PRKN: variants seen among roughly 807,000 people sequenced by gnomAD.
PRKN encodes the protein E3 ubiquitin-protein ligase parkin.
In PRKN, 56 loss-of-function variants were observed where a neutral mutation model predicts 59.5. The ratio of observed to expected loss-of-function variants is 0.94; its 90% confidence interval spans 0.76 to 1.18. The LOEUF (loss-of-function observed/expected upper bound fraction) is 1.18. Among genes scored for constraint, PRKN ranks in the 50% most tolerant of loss-of-function variants. PRKN has a pLI of 0.00. For missense variants in PRKN, 657 were observed against 596.4 expected (o/e 1.10, Z -1.06); for synonymous variants, 250 against 222.1 (o/e 1.13, Z -1.12).
At chr6:161,644,387 TG>T (rs1459793310) in intron 7 of PRKN, among the ~76,000 whole-genome samples, 1 of 152,212 alleles carries the variant, frequency 6.6e-6, no homozygotes, top group Non-Finnish European at 1.5e-5. Context: ...GTGAGAGAGT[TG>T]CATATTAGTT....
chr6:161,879,329 T>A (rs1397633075), intron 6 of PRKN, among the ~76,000 whole-genome samples: 2 of 149,754 alleles, frequency 1.3e-5, no homozygotes, highest in African/African-American at 4.9e-5. Flanking sequence ...ATGGTCATTA[T>A]GACATTTCTG....
At chr6:162,666,048 T>G (rs555218085) in intron 1 of PRKN, among the ~76,000 whole-genome samples, 1 of 152,160 alleles carries the variant, frequency 6.6e-6, no homozygotes, top group East Asian at 1.9e-4. Context: ...ATTAAAGACT[T>G]ACTTAAATTT....
intron 7 of PRKN, among the ~76,000 whole-genome samples, chr6:161,629,693 C>T (rs559989545): frequency 3.9e-5 from 6 of 152,254 alleles, no homozygotes; most frequent in South Asian, 2.1e-4. Flanking sequence ...TCCGCACTCT[C>T]GCTCTGCCTG....
intron 6 of PRKN, among the ~76,000 whole-genome samples, chr6:161,925,040 T>G (rs965305543): frequency 6.6e-6 from 1 of 152,278 alleles, no homozygotes; most frequent in East Asian, 1.9e-4. Flanking sequence ...TGTTGTTGTT[T>G]TTTGGTGAAT....
At chr6:162,230,430 G>C (rs1166577955) in intron 3 of PRKN, among the ~76,000 whole-genome samples, 1 of 152,220 alleles carries the variant, frequency 6.6e-6, no homozygotes, top group African/African-American at 2.4e-5. Context: ...TGGGCTTGAA[G>C]TCTGGGAGGA....
Position 161,701,294 on chromosome 6 carries a change from G to A in PRKN, c.871+84478C>T, listed in dbSNP as rs528370306. On this transcript the variant is annotated intron_variant, in intron 7 of 11. Transcript: ENST00000366898. ...TTTTGAAACACAGTTTCCATTGTGT[G>A]TGACCCATTATGTGTGACCTCATTT... 7.2e-5 allele frequency among the ~76,000 whole-genome samples: 11 copies of A among 152,316 alleles called. No homozygotes were observed. In the East Asian group the frequency reaches 7.7e-4, roughly 11 times the overall value.
Position 161,552,871 on chromosome 6 carries a change from A to T in PRKN, c.934-3868T>A, listed in dbSNP as rs1780092307. 6.6e-6 allele frequency among the ~76,000 whole-genome samples: 1 copy of T among 150,484 alleles called. No individual in the cohort carries two copies. Among genetic ancestry groups the T allele is most frequent in the Non-Finnish European group, 1.5e-5 (1 of 67,728 alleles). ...AGTGGCGCAATCTCGGCTCACTGCA[A>T]CCTTCATCTCTTGGGTTCAAGCGAT... On this transcript the variant is annotated intron_variant, in intron 8 of 11. Coordinates refer to ENST00000366898, the MANE Select transcript of PRKN (RefSeq NM_004562.3). The surrounding 1 kb of genome is among the most constrained non-coding windows in gnomAD (Gnocchi z 4.9).
At position 161,714,078 on chromosome 6, in the gene PRKN, T is replaced by C. The variant is rs1046544731; in HGVS notation, c.871+71694A>G. Among the ~76,000 whole-genome samples the C allele has an allele frequency of 2.5e-4, 38 of 152,338 alleles. 1 individual carries two copies. The highest frequency in any genetic ancestry group is 6.8e-3 in the Middle Eastern group (2 of 294). On this transcript the variant is annotated intron_variant, in intron 7 of 11. Transcript: ENST00000366898. ...TTATCCAGCCTCAGGTATGTCTTTA[T>C]TGGCAACGTGAGAACGACGGATACA...
chr6:161,880,864 G>A (rs1794909061), intron 6 of PRKN, among the ~76,000 whole-genome samples: 1 of 152,136 alleles, frequency 6.6e-6, no homozygotes, highest in Admixed American at 6.5e-5. Flanking sequence ...AAGCACCCAA[G>A]AACCCCTTTA....
At chr6:162,436,976 C>T (rs1191979055) in intron 2 of PRKN, among the ~76,000 whole-genome samples, 8 of 152,012 alleles carry the variant, frequency 5.3e-5, no homozygotes, top group African/African-American at 1.9e-4. Context: ...CCTGTAATCC[C>T]AGCTACTCGG....
At chr6:161,884,352 A>C (rs147832077) in intron 6 of PRKN, among the ~76,000 whole-genome samples, 1,616 of 152,350 alleles carry the variant, frequency 0.011, 26 homozygotes, top group African/African-American at 0.032. Context: ...AAGGCCTATG[A>C]CAATACACAG....
intron 7 of PRKN, among the ~76,000 whole-genome samples, chr6:161,617,931 G>A (rs991684631): frequency 2.0e-5 from 3 of 152,118 alleles, no homozygotes; most frequent in African/African-American, 7.2e-5. Flanking sequence ...TACAACAAAG[G>A]AAAAAGACTG....
rs1785337780 is a variant in PRKN at position 161,369,102 on chromosome 6, TTGAC to T, written c.1168-8901_1168-8898del. On this transcript the variant is annotated intron_variant, in intron 10 of 11. Coordinates refer to ENST00000366898, the MANE Select transcript of PRKN (RefSeq NM_004562.3). The surrounding 1 kb of genome is among the most constrained non-coding windows in gnomAD (Gnocchi z 5.8). ...GTGCCCAGGCCACTGGTTTAGACCT[TTGAC>T]TGCCACTTCCGAGAGGGGATTTCTA... Among the ~76,000 whole-genome samples the T allele has an allele frequency of 6.6e-6, 1 of 152,174 alleles. No individual in the cohort carries two copies. The highest frequency in any genetic ancestry group is 2.1e-4 in the South Asian group (1 of 4,832).
intron 1 of PRKN, among the ~76,000 whole-genome samples, chr6:162,626,875 CT>C (rs1329133534): frequency 6.6e-6 from 1 of 151,870 alleles, no homozygotes; most frequent in Non-Finnish European, 1.5e-5. Context: ...CTTCACATGT[CT>C]TTAACTGCAT....
chr6:161,926,798 G>A (rs1392935005), intron 6 of PRKN, among the ~76,000 whole-genome samples: 2 of 152,176 alleles, frequency 1.3e-5, no homozygotes, highest in Non-Finnish European at 2.9e-5. Flanking sequence ...AAGCCTACGA[G>A]AGATATAACT....
At chr6:161,477,510 CAA>C (rs55713712) in intron 9 of PRKN, among the ~76,000 whole-genome samples, 17,974 of 124,146 alleles carry the variant, frequency 0.14, 1,142 homozygotes, top group African/African-American at 0.2. Flanking sequence ...AACTCCATCT[CAA>C]AAAAAAAAAA....
chr6:162,158,760 C>T (rs1342276554), intron 4 of PRKN, among the ~76,000 whole-genome samples: 1 of 151,952 alleles, frequency 6.6e-6, no homozygotes, highest in African/African-American at 2.4e-5. Context: ...TCTTCCTATT[C>T]CTTTCTTTCC....
chr6:161,989,253 T>C (rs1781552876), intron 5 of PRKN, among the ~76,000 whole-genome samples: 1 of 136,894 alleles, frequency 7.3e-6, no homozygotes, highest in Non-Finnish European at 1.6e-5. Flanking sequence ...TTTCTTACTT[T>C]CATAGTGCCT....
chr6:162,714,365 G>A (rs1171218892), intron 1 of PRKN, among the ~76,000 whole-genome samples: 1 of 152,174 alleles, frequency 6.6e-6, no homozygotes, highest in Non-Finnish European at 1.5e-5. Context: ...GGAGATGCAG[G>A]GACACTGGTG....
Sources: allele counts gnomAD v4.1 joint callset (sites outside exome capture counted in the v4.1 genomes callset), GRCh38; gene constraint gnomAD v4.1.1; non-coding constraint Gnocchi (gnomAD v3.1); transcripts MANE v1.5; gene names NCBI Gene and HGNC (gene_info 2026-07-23, HGNC 2026-07-21).